The following TMPRSS11F variants were observed in gnomAD, a reference collection of about 807,000 sequenced individuals.
The protein encoded by TMPRSS11F is transmembrane protease serine 11F.
A neutral mutation model predicts 60.2 loss-of-function variants in TMPRSS11F; 47 were observed. That is an observed-to-expected ratio of 0.78 (90% confidence interval 0.62 to 1.00). The LOEUF (loss-of-function observed/expected upper bound fraction) is 1.00. Among genes scored for constraint, TMPRSS11F ranks in the 50% least tolerant of loss-of-function variants. The pLI is 0.00. For synonymous variants in TMPRSS11F, 166 were observed against 167.3 expected (o/e 0.99, Z 0.06); for missense variants, 519 against 522.9 (o/e 0.99, Z 0.07).
chr4:68,112,674 A>G (rs1329887168), intron 1 of TMPRSS11F, among the ~76,000 whole-genome samples: 1 of 152,118 alleles, frequency 6.6e-6, no homozygotes, highest in Non-Finnish European at 1.5e-5. Flanking sequence ...AGTAAACTCC[A>G]CAGAGTATGA....
chr4:68,053,840 T>A lies in TMPRSS11F; in HGVS notation c.*69A>T, dbSNP rs1380436280. 18 of 1,460,910 alleles carry A rather than the reference T, an allele frequency of 1.2e-5. No individual in the cohort carries two copies. Among genetic ancestry groups the A allele is most frequent in the Non-Finnish European group, 1.7e-5 (18 of 1,068,308 alleles). 90.5% of individuals were successfully genotyped at this position (1,460,910 alleles called of 1,614,324 possible). A position where few individuals can be genotyped will look rare whatever the true frequency, so the allele number is the denominator to read the frequency against. On this transcript the variant is annotated 3_prime_UTR_variant, in exon 10 of 10. Coordinates refer to ENST00000356291, the MANE Select transcript of TMPRSS11F (RefSeq NM_207407.2). Reference sequence around the variant, plus strand: ...AAGCACTAATCCAAAGTAAATGAATTTAAACAATACAAAATACGCAGGAGT... The same window carrying A: ...AAGCACTAATCCAAAGTAAATGAATATAAACAATACAAAATACGCAGGAGT...
intron 1 of TMPRSS11F, among the ~76,000 whole-genome samples, chr4:68,117,552 G>A (rs1724551744): frequency 6.6e-6 from 1 of 150,720 alleles, no homozygotes; most frequent in Admixed American, 6.6e-5. Flanking sequence ...TGGACAACAG[G>A]TTTATGAGAC....
At chr4:68,124,605 T>C (rs567163241) in intron 1 of TMPRSS11F, among the ~76,000 whole-genome samples, 3 of 152,320 alleles carry the variant, frequency 2.0e-5, no homozygotes, top group Admixed American at 2.0e-4. Context: ...AAAGGCCTCA[T>C]TCATTTGGGG....
intron 1 of TMPRSS11F, among the ~76,000 whole-genome samples, chr4:68,103,114 C>T (rs1344646983): frequency 3.3e-5 from 5 of 151,774 alleles, no homozygotes; most frequent in Non-Finnish European, 5.9e-5. Context: ...CTATCCTTTC[C>T]TTATTGTGTC....
At chr4:68,081,725 A>G (rs1477954913) in intron 3 of TMPRSS11F, among the ~76,000 whole-genome samples, 2 of 152,194 alleles carry the variant, frequency 1.3e-5, no homozygotes, top group Non-Finnish European at 2.9e-5. Context: ...AAAACGATGG[A>G]GTACTGTCAA....
chr4:68,071,874 T>C (rs1723473197), intron 5 of TMPRSS11F, among the ~76,000 whole-genome samples: 1 of 152,076 alleles, frequency 6.6e-6, no homozygotes, highest in Non-Finnish European at 1.5e-5. Context: ...CATGAAGATG[T>C]CTTTCTTTGA....
At chr4:68,121,918 C>T (rs945553385) in intron 1 of TMPRSS11F, among the ~76,000 whole-genome samples, 6 of 152,204 alleles carry the variant, frequency 3.9e-5, no homozygotes, top group Non-Finnish European at 7.3e-5. Context: ...GAGAGCTTCT[C>T]ATTCTTGGAA....
intron 3 of TMPRSS11F, among the ~76,000 whole-genome samples, chr4:68,075,707 A>T (rs1309626442): frequency 6.6e-6 from 1 of 152,182 alleles, no homozygotes; most frequent in Non-Finnish European, 1.5e-5. Flanking sequence ...AACATAAGAA[A>T]GAATAGGCTG....
chr4:68,096,170 C>T (rs1298446499), intron 2 of TMPRSS11F, among the ~76,000 whole-genome samples: 1 of 151,600 alleles, frequency 6.6e-6, no homozygotes, highest in Non-Finnish European at 1.5e-5. Context: ...ATGATGCTTG[C>T]AACAATGTTG....
intron 1 of TMPRSS11F, among the ~76,000 whole-genome samples, chr4:68,111,291 C>A (rs1724406168): frequency 6.6e-6 from 1 of 152,116 alleles, no homozygotes; most frequent in Non-Finnish European, 1.5e-5. Context: ...TAAACATGGT[C>A]TTTCCAAAAC....
intron 8 of TMPRSS11F, 21 bp downstream of exon 8, chr4:68,064,664 A>T: frequency 6.2e-7 from 1 of 1,607,636 alleles, no homozygotes; most frequent in East Asian, 2.2e-5. Flanking sequence ...GTGCTAAGAA[A>T]ATTAGGTTGA....
Position 68,083,662 on chromosome 4 carries a change from A to T in TMPRSS11F, c.282+6861T>A, listed in dbSNP as rs546792318. Among the ~76,000 whole-genome samples, 14 of 151,168 alleles carry T rather than the reference A, an allele frequency of 9.3e-5. No homozygotes were observed. In the South Asian group the frequency reaches 2.9e-3, roughly 31 times the overall value. The stretch of plus-strand genomic sequence containing the variant: ...CAAAATGTCAAGGGAAATAAATAAT[A>T]ATAATAAAAAAAGCCCCATTCAAAC... On this transcript the variant is annotated intron_variant, in intron 3 of 9. Coordinates refer to ENST00000356291, the MANE Select transcript of TMPRSS11F (RefSeq NM_207407.2).
chr4:68,124,735 A>G (rs997827311), intron 1 of TMPRSS11F, among the ~76,000 whole-genome samples: 1 of 151,648 alleles, frequency 6.6e-6, no homozygotes, highest in Non-Finnish European at 1.5e-5. Context: ...GTTGTTTGGC[A>G]CCTTGTAGAT....
Position 68,090,561 on chromosome 4 carries a change from T to C in TMPRSS11F, c.244A>G (p.Arg82Gly), listed in dbSNP as rs1240478142. The change falls in exon 3 of 10, where the codon AGA becomes GGA. Residue 82 changes from arginine (R) to glycine (G), a missense_variant. Coordinates refer to ENST00000356291, the MANE Select transcript of TMPRSS11F (RefSeq NM_207407.2). ...TGATGACTCCTTTCTATAAACTCTC[T>C]TGAAGATCTTATGCCATAATTTTCT... ...YKENYGIRSS[R>G]EFIERSHQIE... The C allele has an allele frequency of 1.9e-6, 3 of 1,600,868 alleles. No homozygotes were observed. In the East Asian group the frequency reaches 6.7e-5, roughly 36 times the overall value.
chr4:68,053,869 A>T lies in TMPRSS11F; in HGVS notation c.*40T>A. 1 of 1,569,758 alleles carries T rather than the reference A, an allele frequency of 6.4e-7. No individual in the cohort carries two copies. ...ACAATACAAAATACGCAGGAGTATC[A>T]GCTCTGTGTGCCATGTGTATAACTC... On this transcript the variant is annotated 3_prime_UTR_variant, in exon 10 of 10. Coordinates refer to ENST00000356291, the MANE Select transcript of TMPRSS11F (RefSeq NM_207407.2).
chr4:68,123,753 T>G (rs776002282), intron 1 of TMPRSS11F, among the ~76,000 whole-genome samples: 1 of 152,088 alleles, frequency 6.6e-6, no homozygotes, highest in Non-Finnish European at 1.5e-5. Flanking sequence ...AGAGGAGAGA[T>G]AGATGATACT....
chr4:68,112,274 T>C (rs1264411429), intron 1 of TMPRSS11F, among the ~76,000 whole-genome samples: 2 of 152,024 alleles, frequency 1.3e-5, no homozygotes, highest in Non-Finnish European at 2.9e-5. Flanking sequence ...GTGCTCAAGC[T>C]GTGGGCCCCA....
In TMPRSS11F at chr4:68,098,981, T is replaced by G; in HGVS notation, c.69A>C (p.Gln23His). 6.2e-7 allele frequency: 1 copy of G among 1,613,358 alleles called. No individual in the cohort carries two copies. The highest frequency in any genetic ancestry group is 8.5e-7 in the Non-Finnish European group (1 of 1,179,602). ...GAGCTAGCCGTACTGAGTCCCAAAATTGCTGCTTTCTTTGATATTCAGCTC... is the reference window on the plus strand; with the variant it reads ...GAGCTAGCCGTACTGAGTCCCAAAAGTGCTGCTTTCTTTGATATTCAGCTC... Reference protein sequence around the residue: ...FSRAEYQRKQQFWDSVRLALF... With the variant: ...FSRAEYQRKQHFWDSVRLALF... The change falls in exon 2 of 10, where the codon CAA (glutamine) becomes CAC (histidine). Residue 23 changes from glutamine (Q) to histidine (H), a missense_variant. Transcript: ENST00000356291.
intron 7 of TMPRSS11F, 118 bp downstream of exon 7, chr4:68,068,500 A>G (rs78914884): frequency 0.015 from 11,278 of 766,192 alleles, 559 homozygotes; most frequent in African/African-American, 0.13. Flanking sequence ...GGGGACAGCT[A>G]GGTCTACCCT....
Sources: allele counts gnomAD v4.1 joint callset (sites outside exome capture counted in the v4.1 genomes callset), GRCh38; gene constraint gnomAD v4.1.1; transcripts MANE v1.5; gene names NCBI Gene and HGNC (gene_info 2026-07-23, HGNC 2026-07-21).